MCU: variants seen among roughly 807,000 people sequenced by gnomAD.
MCU encodes mitochondrial calcium uniporter.
Under a neutral mutation model 45.2 loss-of-function variants are expected in MCU, and 12 were observed. The ratio of observed to expected loss-of-function variants is 0.27; its 90% CI spans 0.17 to 0.43. The LOEUF is 0.43. Ranked by LOEUF, MCU falls within the 20% of genes least tolerant of loss-of-function variation. The pLI, the probability that MCU is intolerant of heterozygous loss-of-function variation, is 1.00. For missense variants in MCU, 324 were observed against 436.7 expected, an observed-to-expected ratio of 0.74 and a Z score of 2.30; for synonymous variants, 160 against 165.1, an observed-to-expected ratio of 0.97 and a Z score of 0.24.
intron 4 of MCU, chr10:72,861,736 A>T (rs547768767): frequency 5.7e-6 from 2 of 349,134 alleles, no homozygotes; most frequent in South Asian, 2.1e-5. Context: ...ACCTCAAGTT[A>T]TCTACCTGCC....
At chr10:72,823,562 A>G (rs1054393909) in intron 1 of MCU, among the ~76,000 whole-genome samples, 2 of 152,168 alleles carry the variant, frequency 1.3e-5, no homozygotes, top group Non-Finnish European at 2.9e-5. Context: ...TCCCTTTTAT[A>G]CTGCACTAAG....
In MCU at chr10:72,742,384, T is replaced by C. The variant is rs190609288; in HGVS notation, c.150+50083T>C. ...GACTGCACTCTGTCCATCTTTGTCA[T>C]CATAGGGTTTTTTCAGACTTGCAAT... is the stretch of plus-strand genomic sequence containing the variant. On this transcript the variant is annotated intron_variant, in intron 1 of 7. Coordinates refer to ENST00000373053, the MANE Select transcript of MCU (RefSeq NM_138357.3). Among the ~76,000 whole-genome samples the C allele has an allele frequency of 1.5e-3, 221 of 152,324 alleles. 2 individuals are homozygous for C. The highest frequency in any genetic ancestry group is 4.9e-3 in the African/African-American group (202 of 41,572).
chr10:72,740,022 T>C (rs1761614721), intron 1 of MCU, among the ~76,000 whole-genome samples: 1 of 151,890 alleles, frequency 6.6e-6, no homozygotes, highest in African/African-American at 2.4e-5. Context: ...CATCAATCAT[T>C]GTCTTTTCTC....
intron 1 of MCU, among the ~76,000 whole-genome samples, chr10:72,719,514 G>A (rs1165276126): frequency 3.3e-5 from 5 of 152,274 alleles, no homozygotes; most frequent in South Asian, 4.1e-4. Context: ...ATGTGTTTAC[G>A]AGTGCTGGTA....
intron 2 of MCU, among the ~76,000 whole-genome samples, chr10:72,843,646 A>C (rs959874301): frequency 3.3e-5 from 5 of 152,192 alleles, no homozygotes; most frequent in African/African-American, 9.7e-5. Flanking sequence ...GGCATTTTTT[A>C]GCTCCTTTGG....
intron 1 of MCU, among the ~76,000 whole-genome samples, chr10:72,827,022 G>C (rs764865829): frequency 2.0e-5 from 3 of 152,014 alleles, no homozygotes. Context: ...TTATCCATAG[G>C]TATGTGTTTA....
chr10:72,807,759 CA>C lies in MCU; in HGVS notation c.151-26599del, dbSNP rs1844474325. Among the ~76,000 whole-genome samples the C allele has an allele frequency of 2.6e-5, 4 of 152,272 alleles. No homozygotes were observed. In the South Asian group the frequency reaches 8.3e-4, roughly 32 times the overall value. ...AAGGGATGGCCAACAGAAGATGGGG[CA>C]CTGAGAATTGTTTTCCTTTTCTCAC... On this transcript the variant is annotated intron_variant, in intron 1 of 7. Transcript: ENST00000373053.
At chr10:72,718,333 C>CA (rs1842978958) in intron 1 of MCU, among the ~76,000 whole-genome samples, 1 of 152,138 alleles carries the variant, frequency 6.6e-6, no homozygotes, top group Admixed American at 6.6e-5. Context: ...ATTTTAGCAT[C>CA]ATCAATTTCA....
At chr10:72,758,415 C>CTA (rs1419797607) in intron 1 of MCU, among the ~76,000 whole-genome samples, 1 of 152,126 alleles carries the variant, frequency 6.6e-6, no homozygotes, top group Non-Finnish European at 1.5e-5. Context: ...GCCCTCTGTG[C>CTA]TATATCATGT....
chr10:72,829,312 GAC>G (rs1844843904), intron 1 of MCU, among the ~76,000 whole-genome samples: 1 of 114,526 alleles, frequency 8.7e-6, no homozygotes, highest in Non-Finnish European at 1.8e-5. Context: ...AACAGAGAGA[GAC>G]ACTGTCTCAA....
intron 5 of MCU, among the ~76,000 whole-genome samples, chr10:72,870,418 A>G (rs1372697666): frequency 2.0e-5 from 3 of 151,604 alleles, no homozygotes; most frequent in Admixed American, 1.3e-4. Flanking sequence ...GGCTGGGACT[A>G]CAGGCGCCTG....
At chr10:72,879,269 AT>A (rs761870643) in intron 6 of MCU, among the ~76,000 whole-genome samples, 8 of 152,236 alleles carry the variant, frequency 5.3e-5, no homozygotes, top group Non-Finnish European at 1.0e-4. Context: ...TATCAAAAAA[AT>A]AAAATAAAAA....
chr10:72,702,112 G>GC (rs1842766008), intron 1 of MCU, among the ~76,000 whole-genome samples: 2 of 151,618 alleles, frequency 1.3e-5, no homozygotes, highest in Admixed American at 6.6e-5. Context: ...TCATGGTTGG[G>GC]GGGGAGGGGG....
chr10:72,757,589 A>C (rs1177669987), intron 1 of MCU, among the ~76,000 whole-genome samples: 2 of 113,790 alleles, frequency 1.8e-5, no homozygotes, highest in African/African-American at 4.9e-5. Context: ...CACCTAGTTC[A>C]TAATAATTTT....
intron 1 of MCU, among the ~76,000 whole-genome samples, chr10:72,769,237 T>G (rs1164749053): frequency 1.3e-5 from 2 of 152,130 alleles, no homozygotes; most frequent in Non-Finnish European, 2.9e-5. Flanking sequence ...AAAATGAACC[T>G]TAAGTGGTTT....
chr10:72,692,545 T>G, intron 1 of MCU: 1 of 1,075,604 alleles, frequency 9.3e-7, no homozygotes. Flanking sequence ...CCCGCAGGAC[T>G]GGGGACACCA....
At chr10:72,860,979 A>G (rs1845367350) in intron 4 of MCU, among the ~76,000 whole-genome samples, 1 of 152,116 alleles carries the variant, frequency 6.6e-6, no homozygotes, top group South Asian at 2.1e-4. Context: ...GTACAATAAT[A>G]ATAGTTCTTA....
rs574094210 is a variant in MCU, at chr10:72,829,021, C to T, written c.151-5338C>T. On this transcript the variant is annotated intron_variant, in intron 1 of 7. Transcript: ENST00000373053. ...GCACCAAATCACCTTATTCATTTGG[C>T]ACCAATATTTCTAGGGAGGCCGGGC... is the stretch of plus-strand genomic sequence containing the variant. Among the ~76,000 whole-genome samples, 5 of 152,226 alleles carry T rather than the reference C, an allele frequency of 3.3e-5. No homozygotes were observed. In the East Asian group the frequency reaches 9.7e-4, roughly 29 times the overall value.
chr10:72,883,950 G>C (rs1260837332), intron 6 of MCU, among the ~76,000 whole-genome samples: 1 of 151,904 alleles, frequency 6.6e-6, no homozygotes. Flanking sequence ...TCAAGAGAGT[G>C]ATTACTTTGG....
Sources: gnomAD v4.1 joint callset for allele counts (sites outside exome capture counted in the v4.1 genomes callset) on GRCh38, gnomAD v4.1.1 for gene constraint, MANE v1.5 for transcripts, NCBI Gene and HGNC (gene_info 2026-07-23, HGNC 2026-07-21) for gene names.